Variants in NEK3 observed in about 807,000 individuals in gnomAD.
NEK3 encodes NIMA related kinase 3.
Under a neutral mutation model 66.0 loss-of-function variants are expected in NEK3, and 54 were observed. The observed-to-expected ratio is 0.82, with a 90% CI of 0.66 to 1.03. The LOEUF is 1.03. Among genes scored for constraint, NEK3 ranks in the 50% least tolerant of loss-of-function variants. The pLI is 0.00. For missense variants in NEK3, 593 were observed against 603.0 expected, an observed-to-expected ratio of 0.98 and a Z score of 0.17; for synonymous variants, 200 against 206.2, an observed-to-expected ratio of 0.97 and a Z score of 0.26.
intron 8 of NEK3, among the ~76,000 whole-genome samples, chr13:52,147,919 C>A (rs1242125332): frequency 6.6e-6 from 1 of 152,110 alleles, no homozygotes; most frequent in Non-Finnish European, 1.5e-5. Flanking sequence ...TCACTTGAAC[C>A]CAGGAGGCGG....
chr13:52,155,921 C>T (rs9526843), intron 2 of NEK3, among the ~76,000 whole-genome samples, 154 bp downstream of exon 2: 90,932 of 151,816 alleles, frequency 0.6, 28,273 homozygotes, highest in Middle Eastern at 0.71. Flanking sequence ...GACCTCAGGC[C>T]GGTCTCAAAC....
chr13:52,151,199 A>G lies in NEK3; in HGVS notation c.495T>C (p.Thr165=). 6.2e-7 allele frequency: 1 copy of G among 1,610,738 alleles called. No homozygotes were observed. Among genetic ancestry groups the G allele is most frequent in the Non-Finnish European group, 8.5e-7 (1 of 1,178,558 alleles). ...PMAFACTYVG[T]PYYVPPEIWE... is the part of the protein sequence containing the mutation. ...AAATTTCTGGAGGCACATAATAAGG[A>G]GTTCCCACATAGGTACAAGCAAATG... The change falls in exon 7 of 16, where the codon ACT becomes ACC. Residue 165 remains threonine (T), a synonymous_variant. Transcript: ENST00000610828.
chr13:52,142,869 G>A (rs555723816), intron 10 of NEK3, among the ~76,000 whole-genome samples: 60 of 152,164 alleles, frequency 3.9e-4, no homozygotes, highest in Non-Finnish European at 7.6e-4. Context: ...AAATGAAAGC[G>A]AATAAAAATA....
chr13:52,142,092 T>A (rs917505834), intron 10 of NEK3, among the ~76,000 whole-genome samples: 1 of 151,674 alleles, frequency 6.6e-6, no homozygotes, highest in East Asian at 1.9e-4. Flanking sequence ...GTCTCAAAAA[T>A]AAAATAAAAT....
intron 11 of NEK3, among the ~76,000 whole-genome samples, chr13:52,140,243 AAC>A (rs1049846887): frequency 2.6e-5 from 4 of 151,164 alleles, no homozygotes; most frequent in Non-Finnish European, 4.4e-5. Flanking sequence ...AAGCCAGGAT[AAC>A]ACAAGATTTT....
chr13:52,134,239 T>G (rs1015681784), intron 14 of NEK3, among the ~76,000 whole-genome samples: 1 of 152,026 alleles, frequency 6.6e-6, no homozygotes, highest in Non-Finnish European at 1.5e-5. Context: ...TGTTCAGGCT[T>G]GTCTTGAACT....
intron 7 of NEK3, among the ~76,000 whole-genome samples, 185 bp downstream of exon 7, chr13:52,150,961 C>T (rs751470988): frequency 2.6e-5 from 4 of 152,214 alleles, no homozygotes; most frequent in Non-Finnish European, 5.9e-5. Context: ...TTACTTTTAT[C>T]TAGCAGCCTA....
chr13:52,145,591 G>A (rs900499955), intron 8 of NEK3, among the ~76,000 whole-genome samples: 6 of 152,048 alleles, frequency 3.9e-5, no homozygotes, highest in Admixed American at 6.5e-5. Context: ...GAGATTACAC[G>A]CATGAGGCAC....
rs1313944851 is a variant in NEK3, at chr13:52,144,770, G to A, written c.725C>T (p.Pro242Leu). Residue 242 changes from proline (P) to leucine (L), a missense_variant, in exon 9 of 16, where the codon CCC becomes CTC. Pro to Leu is a moderately conservative substitution (Grantham distance 98, BLOSUM62 -3). Transcript: ENST00000610828. The stretch of plus-strand genomic sequence containing the variant: ...CGTTGTAGCCGAGGGGCGATGTGAG[G>A]GATTCCTTTTAAACATCTGCTTGAC... ...FLVKQMFKRN[P>L]SHRPSATTLL... 1 of 1,613,798 alleles carries A rather than the reference G, an allele frequency of 6.2e-7. No homozygotes were observed. The highest frequency in any genetic ancestry group is 8.5e-7 in the Non-Finnish European group (1 of 1,179,824).
At position 52,133,684 on chromosome 13, in the gene NEK3, C is replaced by T. The variant is rs1296058913; in HGVS notation, c.1436+5G>A. The T allele has an allele frequency of 1.2e-5, 18 of 1,550,060 alleles. No homozygotes were observed. Among genetic ancestry groups the T allele is most frequent in the African/African-American group, 1.4e-5 (1 of 72,874 alleles). ...CTACAGCTTTCTATGCATATCACAA[C>T]GTACGTGTCCTCCTCATCTAGCCCA... On this transcript the variant is annotated splice_donor_5th_base_variant and intron_variant, in intron 15 of 15. Coordinates refer to ENST00000610828, the MANE Select transcript of NEK3 (RefSeq NM_002498.3).
rs753392150 is a variant in NEK3, at chr13:52,144,852, A to C, written c.643T>G (p.Cys215Gly). The change falls in exon 9 of 16, where the codon TGT becomes GGT. Residue 215 changes from cysteine to glycine, a missense_variant. Physicochemically the swap from Cys to Gly is radical, Grantham distance 159 (BLOSUM62 -3). Transcript: ENST00000610828. ...NSWKNLILKV[C>G]QGCISPLPSH... ...GGCAGTGGACTGATGCACCCTTGAC[A>C]TACTTTGAGGATAAGATTTTTCCAA... is the stretch of plus-strand genomic sequence containing the variant. The C allele has an allele frequency of 6.2e-7, 1 of 1,611,596 alleles. No homozygotes were observed. Among genetic ancestry groups the C allele is most frequent in the East Asian group, 2.2e-5 (1 of 44,846 alleles).
At chr13:52,143,736 T>C (rs1487093721) in intron 10 of NEK3, among the ~76,000 whole-genome samples, 179 bp downstream of exon 10, 1 of 152,308 alleles carries the variant, frequency 6.6e-6, no homozygotes, top group Non-Finnish European at 1.5e-5. Context: ...ATCCCAATTT[T>C]TTCAGGGATC....
intron 14 of NEK3, among the ~76,000 whole-genome samples, chr13:52,135,039 A>G (rs1351859794): frequency 6.6e-6 from 1 of 152,218 alleles, no homozygotes; most frequent in Non-Finnish European, 1.5e-5. Flanking sequence ...TCTACTTGGT[A>G]TAATCTATCT....
intron 15 of NEK3, 43 bp downstream of exon 15, chr13:52,133,646 C>CAA (rs56222741): frequency 6.5e-7 from 1 of 1,538,506 alleles, no homozygotes; most frequent in South Asian, 1.2e-5. Context: ...CACACACACA[C>CAA]CCCCAACCCC....
intron 7 of NEK3, 110 bp from the exon 8 acceptor site, chr13:52,148,579 T>A: frequency 1.1e-6 from 1 of 907,228 alleles, no homozygotes; most frequent in South Asian, 1.6e-5. Flanking sequence ...TTCCTAGGTA[T>A]TAAAACATAT....
intron 11 of NEK3, 32 bp downstream of exon 11, chr13:52,140,988 C>A (rs1166294125): frequency 1.3e-6 from 2 of 1,551,136 alleles, no homozygotes; most frequent in East Asian, 4.7e-5. Context: ...CCACCGCGCC[C>A]GGCCTCATAA....
chr13:52,155,826 G>A (rs2138214892), intron 2 of NEK3, among the ~76,000 whole-genome samples: 1 of 152,180 alleles, frequency 6.6e-6, no homozygotes, highest in East Asian at 1.9e-4. Flanking sequence ...ACAGGTGCAG[G>A]CCACCACACT....
intron 10 of NEK3, among the ~76,000 whole-genome samples, chr13:52,143,191 C>A (rs1321698013): frequency 6.6e-6 from 1 of 152,092 alleles, no homozygotes; most frequent in Non-Finnish European, 1.5e-5. Flanking sequence ...TGGCACATGC[C>A]TGTAATCCTA....
chr13:52,157,536 T>G (rs907033049), intron 1 of NEK3: 1 of 152,300 alleles, frequency 6.6e-6, no homozygotes, highest in Non-Finnish European at 1.5e-5. Context: ...AGTGGGAGTG[T>G]TGCAGGGGTT....
Sources: allele counts gnomAD v4.1 joint callset (sites outside exome capture counted in the v4.1 genomes callset), GRCh38; gene constraint gnomAD v4.1.1; transcripts MANE v1.5; gene names NCBI Gene and HGNC (gene_info 2026-07-23, HGNC 2026-07-21).